The following AUTS2 variants were observed in gnomAD, a reference collection of about 807,000 sequenced individuals.
AUTS2 encodes the protein activator of transcription and developmental regulator AUTS2, also known as autism susceptibility gene 2 protein.
Under a neutral mutation model 112.4 loss-of-function variants are expected in AUTS2, and 17 were observed. The ratio of observed to expected loss-of-function variants is 0.15; its 90% CI spans 0.10 to 0.23. The LOEUF is 0.23. Ranked by LOEUF, AUTS2 falls within the 10% of genes least tolerant of loss-of-function variation. The pLI is 1.00. For synonymous variants in AUTS2, 751 were observed against 702.7 expected, an observed-to-expected ratio of 1.07 and a Z score of -1.09; for missense variants, 1,510 against 1,701.6, an observed-to-expected ratio of 0.89 and a Z score of 1.98.
At chr7:70,124,377 A>G (rs1380922766) in intron 3 of AUTS2, among the ~76,000 whole-genome samples, 1 of 152,082 alleles carries the variant, frequency 6.6e-6, no homozygotes, top group African/African-American at 2.4e-5. Context: ...CCAGTTGTCC[A>G]TTGTTCCCTT....
chr7:70,267,623 T>A (rs1419236231), intron 4 of AUTS2, among the ~76,000 whole-genome samples: 3 of 152,160 alleles, frequency 2.0e-5, no homozygotes, highest in African/African-American at 7.2e-5. Flanking sequence ...TAAGTAGATG[T>A]GACAGTTATG....
intron 5 of AUTS2, among the ~76,000 whole-genome samples, chr7:70,674,337 A>G (rs2129544402): frequency 6.6e-6 from 1 of 152,314 alleles, no homozygotes; most frequent in South Asian, 2.1e-4. Flanking sequence ...ATGTCTAACT[A>G]CATGTCTCAG....
chr7:69,628,203 GC>G (rs1416734038), intron 1 of AUTS2, among the ~76,000 whole-genome samples: 1 of 152,198 alleles, frequency 6.6e-6, no homozygotes, highest in African/African-American at 2.4e-5. Flanking sequence ...GTGAGAGGGT[GC>G]AGAGCAAGCC....
chr7:69,979,853 GT>G, intron 2 of AUTS2, among the ~76,000 whole-genome samples: 1 of 152,286 alleles, frequency 6.6e-6, no homozygotes, highest in East Asian at 1.9e-4. Context: ...TATTCGCCTT[GT>G]TTTTTAAATG....
chr7:69,941,684 A>G (rs1051948885), intron 2 of AUTS2, among the ~76,000 whole-genome samples: 4 of 151,698 alleles, frequency 2.6e-5, no homozygotes, highest in African/African-American at 4.9e-5. Context: ...TATAGTCGTC[A>G]TGCTTGAGAA....
intron 2 of AUTS2, among the ~76,000 whole-genome samples, chr7:70,109,712 C>T (rs1804967830): frequency 6.6e-6 from 1 of 152,140 alleles, no homozygotes; most frequent in South Asian, 2.1e-4. Context: ...AAATGTTTCT[C>T]ATCAGACTTA....
chr7:70,441,710 A>G lies in AUTS2; in HGVS notation c.690+5929A>G, dbSNP rs75012778. Among the ~76,000 whole-genome samples, 961 of 152,312 alleles carry G rather than the reference A, an allele frequency of 6.3e-3. 15 individuals carry two copies. The highest frequency in any genetic ancestry group is 0.022 in the African/African-American group (919 of 41,574). On this transcript the variant is annotated intron_variant, in intron 5 of 18. Coordinates refer to ENST00000342771, the MANE Select transcript of AUTS2 (RefSeq NM_015570.4). ...TGTTCATTTTTAAATTCATGCTAAAAGTTGTTGTGTTTGATCATTTTATGT... is the reference window on the plus strand; with the variant it reads ...TGTTCATTTTTAAATTCATGCTAAAGGTTGTTGTGTTTGATCATTTTATGT...
At chr7:70,188,072 T>C (rs916600451) in intron 4 of AUTS2, among the ~76,000 whole-genome samples, 2 of 152,228 alleles carry the variant, frequency 1.3e-5, no homozygotes, top group African/African-American at 4.8e-5. Context: ...ACCTTGCTTT[T>C]ACTTCCTTGT....
At chr7:69,728,248 G>A (rs1786612891) in intron 1 of AUTS2, among the ~76,000 whole-genome samples, 1 of 152,202 alleles carries the variant, frequency 6.6e-6, no homozygotes, top group South Asian at 2.1e-4. Context: ...TTGCTGAGGC[G>A]CTGCCTTGTG....
chr7:70,232,411 T>C (rs1362359346), intron 4 of AUTS2, among the ~76,000 whole-genome samples: 1 of 151,896 alleles, frequency 6.6e-6, no homozygotes, highest in East Asian at 1.9e-4. Context: ...CTTGCTCTTT[T>C]TTTTTTTTGA....
At chr7:70,134,997 C>T (rs934471212) in intron 4 of AUTS2, among the ~76,000 whole-genome samples, 3 of 152,092 alleles carry the variant, frequency 2.0e-5, no homozygotes, top group South Asian at 2.1e-4. Flanking sequence ...GTGGGGAGGA[C>T]GGGGAATGGA....
chr7:70,742,320 G>C (rs1788164139), intron 6 of AUTS2, among the ~76,000 whole-genome samples: 1 of 152,150 alleles, frequency 6.6e-6, no homozygotes, highest in African/African-American at 2.4e-5. Flanking sequence ...TCATAAGTCT[G>C]GTTCCTAATT....
chr7:70,434,227 G>T (rs1293372611), intron 4 of AUTS2, among the ~76,000 whole-genome samples: 1 of 152,150 alleles, frequency 6.6e-6, no homozygotes, highest in Non-Finnish European at 1.5e-5. Flanking sequence ...TCAAATAAGC[G>T]ATTACAATGC....
chr7:70,418,495 A>T (rs1316336973), intron 4 of AUTS2, among the ~76,000 whole-genome samples: 1 of 152,190 alleles, frequency 6.6e-6, no homozygotes, highest in Non-Finnish European at 1.5e-5. Flanking sequence ...CCCAAATCCA[A>T]ATACGTATCT....
intron 5 of AUTS2, among the ~76,000 whole-genome samples, chr7:70,683,452 C>T (rs2129545429): frequency 6.6e-6 from 1 of 152,286 alleles, no homozygotes; most frequent in East Asian, 1.9e-4. Context: ...CAGTCCTGGT[C>T]CTTGAGTGAT....
At chr7:70,049,446 CA>C (rs1409566512) in intron 2 of AUTS2, among the ~76,000 whole-genome samples, 1 of 151,948 alleles carries the variant, frequency 6.6e-6, no homozygotes, top group Non-Finnish European at 1.5e-5. Flanking sequence ...TCTCCTGCCT[CA>C]GCTTCCTAAG....
At chr7:70,290,199 C>G (rs1788645266) in intron 4 of AUTS2, among the ~76,000 whole-genome samples, 1 of 152,114 alleles carries the variant, frequency 6.6e-6, no homozygotes, top group Admixed American at 6.5e-5. Context: ...TTAAAATTCT[C>G]TGTTATAAAT....
chr7:70,096,144 C>CGGGGT (rs1348156650), intron 2 of AUTS2, among the ~76,000 whole-genome samples: 7 of 152,012 alleles, frequency 4.6e-5, no homozygotes, highest in Non-Finnish European at 1.0e-4. Flanking sequence ...CTAGTTCACA[C>CGGGGT]GGGGTTGTAA....
chr7:69,869,643 G>A (rs1211950394), intron 1 of AUTS2, among the ~76,000 whole-genome samples: 5 of 151,938 alleles, frequency 3.3e-5, no homozygotes, highest in Non-Finnish European at 7.4e-5. Flanking sequence ...TAAATGGATA[G>A]CATCCCTCGG....
Sources: allele counts gnomAD v4.1 joint callset (sites outside exome capture counted in the v4.1 genomes callset), GRCh38; gene constraint gnomAD v4.1.1; transcripts MANE v1.5; gene names NCBI Gene and HGNC (gene_info 2026-07-23, HGNC 2026-07-21).